DLGAP1: variants seen among roughly 807,000 people sequenced by gnomAD.
DLGAP1 encodes disks large-associated protein 1.
In DLGAP1, 11 loss-of-function variants were observed where a neutral mutation model predicts 90.8. That is an observed-to-expected ratio of 0.12 (90% CI 0.08 to 0.20). The LOEUF is 0.20. Among genes scored for constraint, DLGAP1 ranks in the 10% least tolerant of loss-of-function variants. The pLI is 1.00. For missense variants in DLGAP1, 1,050 were observed against 1,333.8 expected, an observed-to-expected ratio of 0.79 and a Z score of 3.31; for synonymous variants, 558 against 540.7, an observed-to-expected ratio of 1.03 and a Z score of -0.44.
intron 1 of DLGAP1, among the ~76,000 whole-genome samples, chr18:4,237,131 G>A (rs1295600703): frequency 6.6e-6 from 1 of 152,146 alleles, no homozygotes; most frequent in East Asian, 1.9e-4. Flanking sequence ...ATGACTGTGT[G>A]TGCCTTTCTG....
At chr18:3,939,505 C>CA (rs998246284) in intron 3 of DLGAP1, among the ~76,000 whole-genome samples, 3 of 136,734 alleles carry the variant, frequency 2.2e-5, no homozygotes, top group African/African-American at 8.2e-5. Flanking sequence ...AACAAACAAA[C>CA]AAAAAAACAA....
At chr18:4,124,620 C>A (rs964756730) in intron 2 of DLGAP1, among the ~76,000 whole-genome samples, 2 of 152,164 alleles carry the variant, frequency 1.3e-5, no homozygotes, top group Non-Finnish European at 2.9e-5. Flanking sequence ...AAATATTTTG[C>A]TATTTCATTA....
chr18:3,874,661 C>T (rs1421253716), intron 4 of DLGAP1: 1 of 1,535,582 alleles, frequency 6.5e-7, no homozygotes. Flanking sequence ...AAGAGCCAAC[C>T]ACATCTCAAC....
intron 8 of DLGAP1, among the ~76,000 whole-genome samples, chr18:3,573,231 G>A (rs2054909691): frequency 6.6e-6 from 1 of 152,182 alleles, no homozygotes; most frequent in Non-Finnish European, 1.5e-5. Context: ...TCTGGGCGCA[G>A]TGGTTCACAC....
intron 1 of DLGAP1, among the ~76,000 whole-genome samples, chr18:4,285,343 T>C (rs762364205): frequency 1.4e-4 from 21 of 151,956 alleles, no homozygotes; most frequent in Non-Finnish European, 2.9e-4. Flanking sequence ...CAAGGAGAAA[T>C]GAACTAGTTA....
At chr18:3,963,945 C>T (rs1239283329) in intron 3 of DLGAP1, among the ~76,000 whole-genome samples, 1 of 152,164 alleles carries the variant, frequency 6.6e-6, no homozygotes, top group Non-Finnish European at 1.5e-5. Flanking sequence ...GATGCATTGG[C>T]TTAAACATAG....
intron 10 of DLGAP1, among the ~76,000 whole-genome samples, chr18:3,529,545 A>G (rs1358157590): frequency 6.6e-6 from 1 of 152,232 alleles, no homozygotes; most frequent in African/African-American, 2.4e-5. Context: ...AGAATATTTC[A>G]AGGACTCAAA....
rs377733550 is a variant in DLGAP1 at position 4,222,595 on chromosome 18, CAACTT to C, written c.-266-71313_-266-71309del. Among the ~76,000 whole-genome samples, 47 of 152,128 alleles carry C rather than the reference CAACTT, an allele frequency of 3.1e-4. No individual in the cohort carries two copies. In the East Asian group the frequency reaches 9.1e-3, roughly 29 times the overall value. On this transcript the variant is annotated intron_variant, in intron 1 of 12. Transcript: ENST00000315677. ...TATAAAAACTAAAAGAAAATACTAT[CAACTT>C]AGAATAGTATATTGAGTAAAAATAT...
intron 5 of DLGAP1, among the ~76,000 whole-genome samples, chr18:3,763,032 C>G (rs1430766064): frequency 1.3e-5 from 2 of 152,126 alleles, no homozygotes; most frequent in Non-Finnish European, 2.9e-5. Flanking sequence ...TGAGTGTCAA[C>G]TTGATTGGAT....
intron 3 of DLGAP1, chr18:3,986,195 AG>A (rs2073839402): frequency 6.6e-6 from 1 of 152,108 alleles, no homozygotes; most frequent in African/African-American, 2.4e-5. Context: ...TTTCTTATGC[AG>A]GTGGATAGTC....
At chr18:3,629,513 T>C (rs773222544) in intron 7 of DLGAP1, among the ~76,000 whole-genome samples, 2 of 151,446 alleles carry the variant, frequency 1.3e-5, no homozygotes, top group Non-Finnish European at 2.9e-5. Context: ...CTACTAAAAA[T>C]ACAAAAAAAT....
intron 1 of DLGAP1, among the ~76,000 whole-genome samples, chr18:4,221,374 A>G (rs1453309323): frequency 6.6e-6 from 1 of 152,110 alleles, no homozygotes; most frequent in African/African-American, 2.4e-5. Flanking sequence ...CTCTCTGTAC[A>G]TATGACAGAT....
At chr18:4,256,804 ACT>A (rs1338155092) in intron 1 of DLGAP1, among the ~76,000 whole-genome samples, 9 of 151,958 alleles carry the variant, frequency 5.9e-5, no homozygotes, top group Non-Finnish European at 1.3e-4. Flanking sequence ...AGACGGTTTC[ACT>A]CTTTTTGCTT....
chr18:3,826,658 G>A (rs1445888783), intron 4 of DLGAP1, among the ~76,000 whole-genome samples: 2 of 152,196 alleles, frequency 1.3e-5, no homozygotes, highest in South Asian at 2.1e-4. Context: ...GGGGAGTGTG[G>A]GGGTCCATTT....
chr18:4,358,957 CCTT>C (rs1419617236), intron 1 of DLGAP1, among the ~76,000 whole-genome samples: 1 of 152,206 alleles, frequency 6.6e-6, no homozygotes, highest in African/African-American at 2.4e-5. Context: ...TCTTTTGTCT[CCTT>C]CTACTGCTTT....
At chr18:4,170,612 C>A (rs1568431992) in intron 1 of DLGAP1, among the ~76,000 whole-genome samples, 1 of 152,124 alleles carries the variant, frequency 6.6e-6, no homozygotes, top group Non-Finnish European at 1.5e-5. Context: ...GACCCCAGGA[C>A]ATCTGACTTG....
intron 10 of DLGAP1, among the ~76,000 whole-genome samples, chr18:3,512,661 C>T (rs546980070): frequency 1.3e-5 from 2 of 152,266 alleles, no homozygotes; most frequent in Non-Finnish European, 2.9e-5. Flanking sequence ...CTCGCAGGAC[C>T]CTGTGAGGCA....
At chr18:3,939,450 A>G (rs2072719990) in intron 3 of DLGAP1, among the ~76,000 whole-genome samples, 1 of 150,364 alleles carries the variant, frequency 6.7e-6, no homozygotes, top group South Asian at 2.1e-4. Context: ...CCAACAAAAA[A>G]ACACCAAAAA....
At chr18:4,315,139 G>A (rs1349328770) in intron 1 of DLGAP1, among the ~76,000 whole-genome samples, 3 of 152,116 alleles carry the variant, frequency 2.0e-5, no homozygotes, top group Non-Finnish European at 4.4e-5. Flanking sequence ...CTCACTGGGT[G>A]AGTAAGATGC....
Sources: gnomAD v4.1 joint callset for allele counts (sites outside exome capture counted in the v4.1 genomes callset) on GRCh38, gnomAD v4.1.1 for gene constraint, MANE v1.5 for transcripts, NCBI Gene and HGNC (gene_info 2026-07-23, HGNC 2026-07-21) for gene names.